The following PDE10A variants were observed in gnomAD, a reference collection of about 807,000 sequenced individuals.
PDE10A encodes cAMP and cAMP-inhibited cGMP 3',5'-cyclic phosphodiesterase 10A.
In PDE10A, 39 loss-of-function variants were observed where a neutral mutation model predicts 97.7. The observed-to-expected ratio is 0.40, with a 90% CI of 0.31 to 0.52. The LOEUF (loss-of-function observed/expected upper bound fraction) is 0.52. PDE10A is among the 20% of genes least tolerant of loss of function. The pLI is 0.56. For synonymous variants in PDE10A, 371 were observed against 376.8 expected, an observed-to-expected ratio of 0.98 and a Z score of 0.18; for missense variants, 731 against 1,047.8, an observed-to-expected ratio of 0.70 and a Z score of 4.17.
intron 1 of PDE10A, among the ~76,000 whole-genome samples, chr6:165,710,995 C>T (rs747666382): frequency 6.6e-6 from 1 of 152,234 alleles, no homozygotes; most frequent in Admixed American, 6.5e-5. Context: ...GGAGGCGGAA[C>T]GGCAGAGCGG....
intron 18 of PDE10A, 44 bp downstream of exon 18, chr6:165,379,150 G>T: frequency 1.5e-6 from 2 of 1,312,010 alleles, no homozygotes; most frequent in Non-Finnish European, 2.1e-6. Context: ...ATTTATTCCA[G>T]ATAACACTTT....
chr6:165,942,039 A>C (rs1192494632), intron 1 of PDE10A, among the ~76,000 whole-genome samples: 1 of 152,164 alleles, frequency 6.6e-6, no homozygotes, highest in East Asian at 1.9e-4. Context: ...TGCCATCCGG[A>C]CAGTGATTCC....
chr6:165,836,370 C>A (rs989502385), intron 1 of PDE10A, among the ~76,000 whole-genome samples: 2 of 152,204 alleles, frequency 1.3e-5, no homozygotes, highest in African/African-American at 4.8e-5. Flanking sequence ...GACCGGCGCA[C>A]GTCGGCACAG....
intron 1 of PDE10A, among the ~76,000 whole-genome samples, chr6:165,901,395 G>A (rs984140165): frequency 1.1e-4 from 16 of 152,248 alleles, no homozygotes; most frequent in Admixed American, 3.3e-4. Context: ...TAAAACAGCC[G>A]GTGGCTCCTG....
intron 1 of PDE10A, among the ~76,000 whole-genome samples, chr6:165,974,997 A>C (rs1274778963): frequency 6.6e-6 from 1 of 152,078 alleles, no homozygotes; most frequent in Non-Finnish European, 1.5e-5. Flanking sequence ...CTGCGCAGGG[A>C]TTGTGAGGGT....
At chr6:165,470,870 A>G (rs1778956533) in intron 3 of PDE10A, among the ~76,000 whole-genome samples, 1 of 152,190 alleles carries the variant, frequency 6.6e-6, no homozygotes, top group African/African-American at 2.4e-5. Context: ...CCACAAATAT[A>G]TAAACATGCT....
chr6:165,328,322 G>A lies in PDE10A; in HGVS notation c.*4703C>T, dbSNP rs1018169018. 6.6e-6 allele frequency: 1 copy of A among 152,218 alleles called. No homozygotes were observed. Among genetic ancestry groups the A allele is most frequent in the Non-Finnish European group, 1.5e-5 (1 of 68,040 alleles). The allele number at this position is 152,218 out of a possible 1,614,324, so 9.4% of individuals were successfully genotyped here. A position where few individuals can be genotyped will look rare whatever the true frequency, so the allele number is the denominator to read the frequency against. On this transcript the variant is annotated 3_prime_UTR_variant, in exon 22 of 22. Coordinates refer to ENST00000539869, the MANE Select transcript of PDE10A (RefSeq NM_001385079.1). Reference sequence around the variant, plus strand: ...AAGATATAATATTTCAGTTGGGCTAGAGTATCAGATTATACACTTTTAGAA... The same window carrying A: ...AAGATATAATATTTCAGTTGGGCTAAAGTATCAGATTATACACTTTTAGAA...
At chr6:165,645,999 G>A (rs1789378321) in intron 1 of PDE10A, among the ~76,000 whole-genome samples, 2 of 152,104 alleles carry the variant, frequency 1.3e-5, no homozygotes, top group South Asian at 4.1e-4. Context: ...ATAAAGGGAG[G>A]CAAAATAACC....
chr6:165,924,259 C>T (rs547073471), intron 1 of PDE10A, among the ~76,000 whole-genome samples: 1 of 152,094 alleles, frequency 6.6e-6, no homozygotes, highest in South Asian at 2.1e-4. Context: ...TCCCTCTAGG[C>T]ATACAACTCA....
chr6:165,432,604 C>G (rs572665634), intron 7 of PDE10A, among the ~76,000 whole-genome samples: 1 of 152,274 alleles, frequency 6.6e-6, no homozygotes, highest in South Asian at 2.1e-4. Context: ...GTATTTGACA[C>G]TAGAGTCTTT....
At chr6:165,977,801 T>C (rs752872006) in intron 1 of PDE10A, among the ~76,000 whole-genome samples, 2 of 152,344 alleles carry the variant, frequency 1.3e-5, no homozygotes, top group Admixed American at 6.5e-5. Context: ...AAATGTTGCA[T>C]AGCAGTTTTA....
At chr6:165,532,853 C>A (rs1469860988) in intron 2 of PDE10A, among the ~76,000 whole-genome samples, 2 of 152,162 alleles carry the variant, frequency 1.3e-5, no homozygotes, top group African/African-American at 2.4e-5. Context: ...TCTACACCAT[C>A]CCATTTAACA....
intron 19 of PDE10A, among the ~76,000 whole-genome samples, chr6:165,341,238 G>A (rs2128179233): frequency 6.6e-6 from 1 of 152,260 alleles, no homozygotes; most frequent in South Asian, 2.1e-4. Flanking sequence ...GCACCTAAGA[G>A]CATGCAGAGA....
chr6:165,395,336 A>AACTTTTCTTT, intron 14 of PDE10A, 72 bp from the exon 15 acceptor site: 2 of 1,085,296 alleles, frequency 1.8e-6, no homozygotes, highest in Non-Finnish European at 2.8e-6. Context: ...AAAAGCATTT[A>AACTTTTCTTT]ACTTGTTTGT....
intron 1 of PDE10A, among the ~76,000 whole-genome samples, chr6:165,770,756 C>T (rs554007557): frequency 1.1e-4 from 16 of 152,324 alleles, no homozygotes; most frequent in African/African-American, 3.6e-4. Context: ...CCAGTGAGGT[C>T]TCTAAAACAC....
At chr6:165,937,898 G>A (rs914947308) in intron 1 of PDE10A, among the ~76,000 whole-genome samples, 4 of 152,102 alleles carry the variant, frequency 2.6e-5, no homozygotes, top group African/African-American at 9.7e-5. Context: ...ACCTGTCAAA[G>A]CCTAAATTCA....
intron 1 of PDE10A, among the ~76,000 whole-genome samples, chr6:165,850,350 A>C (rs1780542421): frequency 6.6e-6 from 1 of 152,188 alleles, no homozygotes; most frequent in South Asian, 2.1e-4. Flanking sequence ...AGCCCCCGGG[A>C]AGTGCGTGGG....
chr6:165,562,294 A>G (rs1435905725), intron 1 of PDE10A, among the ~76,000 whole-genome samples: 3 of 152,216 alleles, frequency 2.0e-5, no homozygotes, highest in African/African-American at 7.2e-5. Flanking sequence ...GTAGCCTGTT[A>G]TTAAATCTAT....
intron 2 of PDE10A, among the ~76,000 whole-genome samples, chr6:165,515,526 T>C (rs931749233): frequency 6.8e-6 from 1 of 146,294 alleles, no homozygotes; most frequent in South Asian, 2.2e-4. Context: ...TTTTGTTCTT[T>C]TTTTTTTTTT....
Sources: gnomAD v4.1 joint callset for allele counts (sites outside exome capture counted in the v4.1 genomes callset) on GRCh38, gnomAD v4.1.1 for gene constraint, MANE v1.5 for transcripts, NCBI Gene and HGNC (gene_info 2026-07-23, HGNC 2026-07-21) for gene names.